DSCAM: variants seen among roughly 807,000 people sequenced by gnomAD.
The protein encoded by DSCAM is DS cell adhesion molecule, also known as cell adhesion molecule DSCAM.
A neutral mutation model predicts 217.7 loss-of-function variants in DSCAM; 47 were observed. The ratio of observed to expected loss-of-function variants is 0.22; its 90% confidence interval spans 0.17 to 0.28. The LOEUF is 0.28. Ranked by LOEUF, DSCAM falls within the 10% of genes least tolerant of loss-of-function variation. The pLI is 1.00. For synonymous variants in DSCAM, 1,056 were observed against 1,015.3 expected (o/e 1.04, Z -0.76); for missense variants, 2,080 against 2,618.3 (o/e 0.79, Z 4.49).
chr21:40,530,527 T>C (rs1349109629), intron 3 of DSCAM, among the ~76,000 whole-genome samples: 2 of 152,178 alleles, frequency 1.3e-5, no homozygotes, highest in Non-Finnish European at 2.9e-5. Context: ...ATATCCACCC[T>C]ATAGAAAGAC....
At chr21:40,660,649 C>A (rs2090129127) in intron 3 of DSCAM, among the ~76,000 whole-genome samples, 1 of 152,080 alleles carries the variant, frequency 6.6e-6, no homozygotes, top group Admixed American at 6.5e-5. Flanking sequence ...AGAAAACATG[C>A]AGAGTATGGT....
At chr21:40,022,339 C>T (rs901503231) in intron 32 of DSCAM, among the ~76,000 whole-genome samples, 1 of 152,166 alleles carries the variant, frequency 6.6e-6, no homozygotes, top group South Asian at 2.1e-4. Flanking sequence ...ATAGCCCCTG[C>T]CACGAAGAAT....
intron 10 of DSCAM, among the ~76,000 whole-genome samples, chr21:40,294,845 T>G (rs374209560): frequency 6.6e-6 from 1 of 152,218 alleles, no homozygotes; most frequent in African/African-American, 2.4e-5. Flanking sequence ...CAGGATTTTA[T>G]TTTTGAAGAA....
intron 3 of DSCAM, among the ~76,000 whole-genome samples, chr21:40,539,879 A>ACATAAAATC (rs2076530113): frequency 1.3e-5 from 2 of 152,206 alleles, no homozygotes; most frequent in South Asian, 4.1e-4. Flanking sequence ...GGCTTTATTA[A>ACATAAAATC]CATAAAATCA....
intron 3 of DSCAM, among the ~76,000 whole-genome samples, chr21:40,465,150 A>G (rs191489505): frequency 6.4e-4 from 97 of 152,244 alleles, no homozygotes; most frequent in African/African-American, 2.2e-3. Flanking sequence ...TGTACATATA[A>G]GATCTTGCAA....
rs2076167113 is a variant in DSCAM at position 40,501,110 on chromosome 21, A to AG, written c.509-131866_509-131865insC. 1.3e-5 allele frequency among the ~76,000 whole-genome samples: 2 copies of AG among 152,238 alleles called. 1 individual carries two copies. The highest frequency in any genetic ancestry group is 4.1e-4 in the South Asian group (2 of 4,830). On this transcript the variant is annotated intron_variant, in intron 3 of 32. Coordinates refer to ENST00000400454, the MANE Select transcript of DSCAM (RefSeq NM_001389.5). Reference sequence around the variant, plus strand: ...AGCAGGGTTACCATATTTAGCTAATACAGGACACCATTTCAATCTAAATGT... The same window carrying AG: ...AGCAGGGTTACCATATTTAGCTAATAGCAGGACACCATTTCAATCTAAATGT...
chr21:40,145,363 A>G (rs1168778553), intron 16 of DSCAM, among the ~76,000 whole-genome samples: 1 of 152,176 alleles, frequency 6.6e-6, no homozygotes, highest in Non-Finnish European at 1.5e-5. Flanking sequence ...AGGTGAGTGC[A>G]CACCCAATAG....
At chr21:40,583,006 CA>C (rs1232704440) in intron 3 of DSCAM, among the ~76,000 whole-genome samples, 1 of 151,810 alleles carries the variant, frequency 6.6e-6, no homozygotes, top group Admixed American at 6.6e-5. Flanking sequence ...TTAAACTTAC[CA>C]AAAAATTTTA....
chr21:40,761,321 T>C (rs984608260), intron 1 of DSCAM, among the ~76,000 whole-genome samples: 1 of 152,204 alleles, frequency 6.6e-6, no homozygotes, highest in Non-Finnish European at 1.5e-5. Flanking sequence ...AATCTACATG[T>C]ATTTCCTGGC....
At chr21:40,270,373 A>G (rs1001588978) in intron 11 of DSCAM, among the ~76,000 whole-genome samples, 9 of 152,218 alleles carry the variant, frequency 5.9e-5, no homozygotes, top group African/African-American at 2.2e-4. Flanking sequence ...GTATCTGGCA[A>G]CTGGACTTGA....
intron 1 of DSCAM, among the ~76,000 whole-genome samples, chr21:40,742,917 CAA>C (rs775428797): frequency 9.2e-5 from 14 of 152,102 alleles, no homozygotes; most frequent in Non-Finnish European, 2.1e-4. Flanking sequence ...ATACAATTAT[CAA>C]AAAAGTTAAG....
intron 2 of DSCAM, among the ~76,000 whole-genome samples, chr21:40,697,636 T>C (rs2090609635): frequency 1.3e-5 from 2 of 152,206 alleles, no homozygotes; most frequent in Admixed American, 6.5e-5. Context: ...CAAAAATGAT[T>C]TGGGTATAAG....
At chr21:40,237,588 C>T (rs1317032737) in intron 11 of DSCAM, among the ~76,000 whole-genome samples, 1 of 152,156 alleles carries the variant, frequency 6.6e-6, no homozygotes, top group Non-Finnish European at 1.5e-5. Flanking sequence ...TGTATATGTG[C>T]CACATTTTCT....
At chr21:40,123,585 C>T (rs2837436) in intron 20 of DSCAM, among the ~76,000 whole-genome samples, 28,346 of 152,100 alleles carry the variant, frequency 0.19, 3,295 homozygotes, top group East Asian at 0.26. Context: ...ATAATATGAA[C>T]GATAACAAAA....
At chr21:40,353,881 A>G in intron 4 of DSCAM, 138 bp from the exon 5 acceptor site, 1 of 841,798 alleles carries the variant, frequency 1.2e-6, no homozygotes, top group East Asian at 3.3e-5. Flanking sequence ...TTTATAAGTG[A>G]ACAGAAAAAG....
At chr21:40,414,117 A>T (rs1348477381) in intron 3 of DSCAM, among the ~76,000 whole-genome samples, 3 of 152,204 alleles carry the variant, frequency 2.0e-5, no homozygotes, top group Non-Finnish European at 4.4e-5. Flanking sequence ...AAAAGAAAAA[A>T]TATTTATAAA....
intron 11 of DSCAM, among the ~76,000 whole-genome samples, chr21:40,205,969 G>A (rs949207250): frequency 6.6e-6 from 1 of 152,092 alleles, no homozygotes; most frequent in Non-Finnish European, 1.5e-5. Context: ...TTTTATATTC[G>A]ACATGGAACT....
chr21:40,368,841 A>G (rs574739575), intron 4 of DSCAM, among the ~76,000 whole-genome samples: 32 of 152,282 alleles, frequency 2.1e-4, no homozygotes, highest in African/African-American at 7.7e-4. Context: ...TGGATCTTTC[A>G]CTCCTAATGT....
intron 11 of DSCAM, among the ~76,000 whole-genome samples, chr21:40,219,158 C>G (rs1315206029): frequency 6.6e-6 from 1 of 152,112 alleles, no homozygotes; most frequent in Non-Finnish European, 1.5e-5. Flanking sequence ...CCTTCAATAC[C>G]TAGTTTATTG....
Sources: gnomAD v4.1 joint callset for allele counts (sites outside exome capture counted in the v4.1 genomes callset) on GRCh38, gnomAD v4.1.1 for gene constraint, MANE v1.5 for transcripts, NCBI Gene and HGNC (gene_info 2026-07-23, HGNC 2026-07-21) for gene names.